SUZ12: variants seen among roughly 807,000 people sequenced by gnomAD.
SUZ12 encodes polycomb protein SUZ12.
SUZ12 carries 17 observed loss-of-function variants against 87.3 expected under a neutral mutation model. That is an observed-to-expected ratio of 0.19 (90% confidence interval 0.13 to 0.29). The LOEUF (loss-of-function observed/expected upper bound fraction) is 0.29, where lower values mean the gene tolerates loss of function less well. Among genes scored for constraint, SUZ12 ranks in the 10% least tolerant of loss-of-function variants. SUZ12 has a pLI of 1.00. For synonymous variants in SUZ12, 253 were observed against 312.4 expected (o/e 0.81, Z 2.01); for missense variants, 526 against 912.2 (o/e 0.58, Z 5.45).
intron 3 of SUZ12, among the ~76,000 whole-genome samples, chr17:31,944,503 C>T (rs1274001055): frequency 6.6e-6 from 1 of 152,056 alleles, no homozygotes; most frequent in African/African-American, 2.4e-5. Context: ...GGATATGTTT[C>T]TGTTGTCCGC....
chr17:31,996,478 G>T (rs1909983807), intron 14 of SUZ12, among the ~76,000 whole-genome samples: 1 of 152,094 alleles, frequency 6.6e-6, no homozygotes, highest in African/African-American at 2.4e-5. Context: ...AGTTAGCTGG[G>T]CATGGTAGAG....
Position 31,955,886 on chromosome 17 carries a change from GT to G in SUZ12, c.455+8206del, listed in dbSNP as rs201944755. Reference sequence around the variant, plus strand: ...TGTGAACCATTACACCCAGCCTGTTGTTTTTAAAGTTGTATATTATTATTAT... The same window carrying G: ...TGTGAACCATTACACCCAGCCTGTTGTTTTAAAGTTGTATATTATTATTAT... On this transcript the variant is annotated intron_variant, in intron 4 of 15. Coordinates refer to ENST00000322652, the MANE Select transcript of SUZ12 (RefSeq NM_015355.4). Among the ~76,000 whole-genome samples, 877 of 151,720 alleles carry G rather than the reference GT, an allele frequency of 5.8e-3. 10 individuals carry two copies. The highest frequency in any genetic ancestry group is 0.019 in the African/African-American group (806 of 41,432).
intron 4 of SUZ12, among the ~76,000 whole-genome samples, chr17:31,964,588 G>A (rs1359641895): frequency 6.6e-6 from 1 of 151,884 alleles, no homozygotes; most frequent in Admixed American, 6.6e-5. Flanking sequence ...TGTATTTTTA[G>A]TAGAGACTGG....
chr17:31,972,266 C>G (rs1309241890), intron 5 of SUZ12, among the ~76,000 whole-genome samples: 1 of 151,662 alleles, frequency 6.6e-6, no homozygotes, highest in Non-Finnish European at 1.5e-5. Context: ...ACCTGGTTGA[C>G]AGAACGAGTC....
In SUZ12 at chr17:31,999,284, GTTGAA is replaced by G. The variant is rs1228554033; in HGVS notation, c.*286_*290del. The G allele has an allele frequency of 1.9e-5, 5 of 263,844 alleles. No homozygotes were observed. The East Asian group carries it at 2.3e-4, about 12-fold the overall frequency. 16.3% of individuals were successfully genotyped at this position (263,844 alleles called of 1,614,324 possible). On this transcript the variant is annotated 3_prime_UTR_variant, in exon 16 of 16. Transcript: ENST00000322652. ...AAACTCAACAAATGTCATCAAATATGTTGAATTGATCTAGAAATTATTTCATATAT... is the reference window on the plus strand; with the variant it reads ...AAACTCAACAAATGTCATCAAATATGTTGATCTAGAAATTATTTCATATAT...
At position 31,996,972 on chromosome 17, in the gene SUZ12, T is replaced by C. The variant is rs955030155; in HGVS notation, c.1874+95T>C. The C allele has an allele frequency of 5.3e-5, 44 of 826,694 alleles. No individual in the cohort carries two copies. In the African/African-American group the frequency reaches 7.4e-4, roughly 14 times the overall value. 51.2% of individuals were successfully genotyped at this position (826,694 alleles called of 1,614,324 possible). A position where few individuals can be genotyped will look rare whatever the true frequency, so the allele number is the denominator to read the frequency against. On this transcript the variant is annotated intron_variant, in intron 15 of 15. Coordinates refer to ENST00000322652, the MANE Select transcript of SUZ12 (RefSeq NM_015355.4). ...AAATCTTACGTGTGTTAGAATCTTA[T>C]TTAAAATTCCATTAATGTATATTTG...
At chr17:31,972,383 GTA>G (rs71142099) in intron 5 of SUZ12, among the ~76,000 whole-genome samples, 16,915 of 144,348 alleles carry the variant, frequency 0.12, 1,797 homozygotes, top group African/African-American at 0.29. Flanking sequence ...GTTTGTGTGT[GTA>G]TATATATATA....
rs56705049 is a variant in SUZ12, at chr17:31,974,175, G to A, written c.591+944G>A. On this transcript the variant is annotated intron_variant, in intron 6 of 15. Coordinates refer to ENST00000322652, the MANE Select transcript of SUZ12 (RefSeq NM_015355.4). ...CAGTGAGCCATGATTGCACCACTGA[G>A]CTCCAGCCTGTGCGACAGAGTGAAA... Among the ~76,000 whole-genome samples the A allele has an allele frequency of 7.5e-3, 1,146 of 151,918 alleles. 13 individuals are homozygous for A. The highest frequency in any genetic ancestry group is 0.026 in the African/African-American group (1,095 of 41,456).
intron 1 of SUZ12, among the ~76,000 whole-genome samples, chr17:31,938,526 A>C (rs558924803): frequency 2.3e-4 from 35 of 152,316 alleles, no homozygotes; most frequent in African/African-American, 7.5e-4. Context: ...TGCTTCATGA[A>C]ATTCTAATTG....
intron 8 of SUZ12, among the ~76,000 whole-genome samples, chr17:31,979,774 T>A (rs1276963786): frequency 6.6e-6 from 1 of 152,196 alleles, no homozygotes; most frequent in Non-Finnish European, 1.5e-5. Flanking sequence ...AGCATATAAT[T>A]CTTATGCTAA....
intron 4 of SUZ12, among the ~76,000 whole-genome samples, chr17:31,956,004 C>T (rs1225670832): frequency 6.6e-6 from 1 of 151,602 alleles, no homozygotes; most frequent in African/African-American, 2.4e-5. Context: ...CTCTGCCTTC[C>T]CGGGTTCACG....
At chr17:31,982,824 C>G (rs1188517117) in intron 8 of SUZ12, among the ~76,000 whole-genome samples, 175 bp from the exon 9 acceptor site, 7 of 152,122 alleles carry the variant, frequency 4.6e-5, no homozygotes, top group African/African-American at 1.7e-4. Flanking sequence ...TAGTGTACAT[C>G]ATTAAAATTG....
intron 14 of SUZ12, 134 bp from the exon 15 acceptor site, chr17:31,996,664 T>G (rs1567840338): frequency 1.1e-5 from 6 of 551,368 alleles, no homozygotes; most frequent in Middle Eastern, 4.9e-4. Flanking sequence ...AAATAGAAGT[T>G]AATTTTAAGA....
At chr17:31,989,765 A>ATTTTTTTTTTTTTTTTTTTTTTT (rs568524946) in intron 10 of SUZ12, among the ~76,000 whole-genome samples, 1 of 129,862 alleles carries the variant, frequency 7.7e-6, no homozygotes, top group South Asian at 2.5e-4. Context: ...CGACCAGCTA[A>ATTTTTTTTTTTTTTTTTTTTTTT]TTTTTTTTTT....
chr17:31,952,598 T>C (rs1356309357), intron 4 of SUZ12, among the ~76,000 whole-genome samples: 1 of 152,198 alleles, frequency 6.6e-6, no homozygotes, highest in East Asian at 1.9e-4. Context: ...AATGTGGCTT[T>C]GTCGCTCAGG....
chr17:31,979,779 T>C (rs1228942198), intron 8 of SUZ12, among the ~76,000 whole-genome samples: 3 of 152,218 alleles, frequency 2.0e-5, no homozygotes, highest in Non-Finnish European at 4.4e-5. Context: ...ATAATTCTTA[T>C]GCTAATACAT....
At chr17:31,951,893 G>A (rs566581634) in intron 4 of SUZ12, among the ~76,000 whole-genome samples, 78 of 151,324 alleles carry the variant, frequency 5.2e-4, no homozygotes, top group African/African-American at 1.7e-3. Flanking sequence ...TCCTGCCGCA[G>A]CCTCCCTAGT....
chr17:31,964,658 C>T (rs1432819808), intron 4 of SUZ12, among the ~76,000 whole-genome samples: 1 of 152,158 alleles, frequency 6.6e-6, no homozygotes, highest in Non-Finnish European at 1.5e-5. Context: ...CCTGCCTCGG[C>T]CTCCCAAAGT....
chr17:31,941,086 C>T (rs142528615), intron 3 of SUZ12, among the ~76,000 whole-genome samples: 213 of 151,514 alleles, frequency 1.4e-3, no homozygotes, highest in Non-Finnish European at 2.5e-3. Flanking sequence ...TTACTCTGTG[C>T]CATGGGTTAT....
Sources: gnomAD v4.1 joint callset for allele counts (sites outside exome capture counted in the v4.1 genomes callset) on GRCh38, gnomAD v4.1.1 for gene constraint, MANE v1.5 for transcripts, NCBI Gene and HGNC (gene_info 2026-07-23, HGNC 2026-07-21) for gene names.